TGFBR3: variants seen among roughly 807,000 people sequenced by gnomAD.
TGFBR3 encodes transforming growth factor beta receptor type 3.
In TGFBR3, 46 loss-of-function variants were observed where a neutral mutation model predicts 87.9. That is an observed-to-expected ratio of 0.52 (90% CI 0.41 to 0.67). The LOEUF (loss-of-function observed/expected upper bound fraction) is 0.67, where lower values mean the gene tolerates loss of function less well. TGFBR3 is among the 30% of genes least tolerant of loss of function. The pLI, the probability that TGFBR3 is intolerant of heterozygous loss-of-function variation, is 0.00. For synonymous variants in TGFBR3, 381 were observed against 391.6 expected, an observed-to-expected ratio of 0.97 and a Z score of 0.32; for missense variants, 866 against 1,041.9, an observed-to-expected ratio of 0.83 and a Z score of 2.32.
chr1:91,681,177 T>G lies in TGFBR3; in HGVS notation c.*2562A>C, dbSNP rs1163496540. On this transcript the variant is annotated 3_prime_UTR_variant, in exon 17 of 17. Coordinates refer to ENST00000212355, the MANE Select transcript of TGFBR3 (RefSeq NM_003243.5). ...CGTTATAAAAGTAGAGCTTGTACTT[T>G]GTATTAAAACTGTAAAGTGTGAAGC... 5 of 453,962 alleles carry G rather than the reference T, an allele frequency of 1.1e-5. No homozygotes were observed. The East Asian group carries it at 3.5e-4, about 32-fold the overall frequency. The allele number at this position is 453,962 out of a possible 1,614,324, so 28.1% of individuals were successfully genotyped here. A position where few individuals can be genotyped will look rare whatever the true frequency, so the allele number is the denominator to read the frequency against.
At chr1:91,849,067 T>C (rs1377866423) in intron 2 of TGFBR3, among the ~76,000 whole-genome samples, 2 of 152,306 alleles carry the variant, frequency 1.3e-5, no homozygotes, top group Non-Finnish European at 1.5e-5. Flanking sequence ...AAAAGCATCA[T>C]TCTGAATTTC....
In TGFBR3 at chr1:91,682,922, T is replaced by C. The variant is rs1346655181; in HGVS notation, c.*817A>G. 1 of 453,936 alleles carries C rather than the reference T, an allele frequency of 2.2e-6. No homozygotes were observed. Among genetic ancestry groups the C allele is most frequent in the Admixed American group, 2.3e-5 (1 of 42,568 alleles). 28.1% of individuals were successfully genotyped at this position (453,936 alleles called of 1,614,324 possible). A position where few individuals can be genotyped will look rare whatever the true frequency, so the allele number is the denominator to read the frequency against. ...ACTGAATTTCACCTCAAATTATACA[T>C]TAATTTGCAGAACAAAATATTAGGA... On this transcript the variant is annotated 3_prime_UTR_variant, in exon 17 of 17. Coordinates refer to ENST00000212355, the MANE Select transcript of TGFBR3 (RefSeq NM_003243.5).
At chr1:91,690,211 G>T (rs534826856) in intron 16 of TGFBR3, among the ~76,000 whole-genome samples, 110 of 152,128 alleles carry the variant, frequency 7.2e-4, no homozygotes, top group Non-Finnish European at 1.4e-3. Context: ...AGCAAGAGGG[G>T]TTGGCTGAAC....
chr1:91,832,386 T>C (rs1322146157), intron 2 of TGFBR3, among the ~76,000 whole-genome samples: 1 of 152,100 alleles, frequency 6.6e-6, no homozygotes, highest in Non-Finnish European at 1.5e-5. Flanking sequence ...CCCCATTATA[T>C]GACCCTCAAA....
At chr1:91,766,500 G>C (rs1674193369) in intron 3 of TGFBR3, 1 of 136,512 alleles carries the variant, frequency 7.3e-6, no homozygotes, top group Non-Finnish European at 1.6e-5. Flanking sequence ...AGAATCACTA[G>C]AGTGATCATT....
chr1:91,758,269 C>G (rs1488988731), intron 4 of TGFBR3, among the ~76,000 whole-genome samples: 1 of 152,062 alleles, frequency 6.6e-6, no homozygotes, highest in Non-Finnish European at 1.5e-5. Flanking sequence ...GGACCACACA[C>G]CCGGTAGCCA....
intron 3 of TGFBR3, among the ~76,000 whole-genome samples, chr1:91,775,772 G>A (rs1674546144): frequency 6.6e-6 from 1 of 152,224 alleles, no homozygotes; most frequent in Admixed American, 6.5e-5. Flanking sequence ...GCATCCCAGA[G>A]TTCACCTGAT....
intron 15 of TGFBR3, 55 bp downstream of exon 15, chr1:91,698,034 C>T (rs1671490374): frequency 4.5e-6 from 7 of 1,550,032 alleles, no homozygotes; most frequent in South Asian, 3.3e-5. Flanking sequence ...CTAACCAACT[C>T]ATTCTTAGGA....
intron 1 of TGFBR3, among the ~76,000 whole-genome samples, chr1:91,865,600 A>G (rs1454703649): frequency 6.6e-6 from 1 of 152,208 alleles, no homozygotes; most frequent in Non-Finnish European, 1.5e-5. Flanking sequence ...CTTAGTATTC[A>G]TCAATGAACA....
intron 1 of TGFBR3, among the ~76,000 whole-genome samples, chr1:91,884,319 CAAA>C (rs368144492): frequency 8.4e-6 from 1 of 119,196 alleles, no homozygotes. Flanking sequence ...ACTCTGTCAC[CAAA>C]AAAAAAAAAA....
intron 3 of TGFBR3, among the ~76,000 whole-genome samples, chr1:91,787,278 T>C (rs953453661): frequency 2.6e-5 from 4 of 151,706 alleles, no homozygotes; most frequent in African/African-American, 9.7e-5. Flanking sequence ...TCCAGCCTGG[T>C]GACAGAGCGA....
Position 91,683,686 on chromosome 1 carries a change from T to TAGCTGAGCTG in TGFBR3, c.*43_*52dup, listed in dbSNP as rs754058860. The TAGCTGAGCTG allele has an allele frequency of 1.4e-6, 2 of 1,442,690 alleles. No individual in the cohort carries two copies. The highest frequency in any genetic ancestry group is 2.5e-5 in the East Asian group (1 of 40,480). 89.4% of individuals were successfully genotyped at this position (1,442,690 alleles called of 1,614,324 possible). On this transcript the variant is annotated 3_prime_UTR_variant, in exon 17 of 17. Coordinates refer to ENST00000212355, the MANE Select transcript of TGFBR3 (RefSeq NM_003243.5). ...CAGCCATTGGTCCTGCCCTTGGCAG[T>TAGCTGAGCTG]AGCTGAGCTGAGCTGGGCTGGGCTG...
chr1:91,900,137 T>A (rs1375569573), intron 1 of TGFBR3, among the ~76,000 whole-genome samples: 1 of 152,206 alleles, frequency 6.6e-6, no homozygotes, highest in South Asian at 2.1e-4. Context: ...TATTTTGAGA[T>A]GGAGTCTCAC....
chr1:91,789,286 G>A (rs188369842), intron 3 of TGFBR3, among the ~76,000 whole-genome samples: 134 of 152,264 alleles, frequency 8.8e-4, no homozygotes, highest in Middle Eastern at 3.4e-3. Context: ...CAGCCTAGGC[G>A]ACAGAGTGAG....
At chr1:91,711,176 C>T (rs555506776) in intron 13 of TGFBR3, among the ~76,000 whole-genome samples, 18 of 152,308 alleles carry the variant, frequency 1.2e-4, no homozygotes, top group African/African-American at 4.3e-4. Context: ...GCCTACAAGG[C>T]TAAGGCATCA....
At chr1:91,752,723 TAA>T (rs60021429) in intron 4 of TGFBR3, among the ~76,000 whole-genome samples, 1 of 146,726 alleles carries the variant, frequency 6.8e-6, no homozygotes, top group Non-Finnish European at 1.5e-5. Flanking sequence ...AAAGCAAGAT[TAA>T]AAAAAAAAAA....
chr1:91,753,304 C>G (rs746357753), intron 4 of TGFBR3, among the ~76,000 whole-genome samples: 7 of 142,764 alleles, frequency 4.9e-5, no homozygotes, highest in Non-Finnish European at 9.0e-5. Context: ...GCAGGAGGAT[C>G]GCTTGAGCCC....
At chr1:91,701,096 G>T (rs753925809) in intron 14 of TGFBR3, among the ~76,000 whole-genome samples, 11 of 152,084 alleles carry the variant, frequency 7.2e-5, no homozygotes, top group Non-Finnish European at 1.3e-4. Context: ...AAGTTTTATA[G>T]TAAGGCCTGT....
At chr1:91,693,144 A>C (rs1162861113) in intron 16 of TGFBR3, among the ~76,000 whole-genome samples, 1 of 152,194 alleles carries the variant, frequency 6.6e-6, no homozygotes, top group Non-Finnish European at 1.5e-5. Flanking sequence ...GTGGTCCTGA[A>C]GTGAGTCTTC....
Sources: allele counts gnomAD v4.1 joint callset (sites outside exome capture counted in the v4.1 genomes callset), GRCh38; gene constraint gnomAD v4.1.1; transcripts MANE v1.5; gene names NCBI Gene and HGNC (gene_info 2026-07-23, HGNC 2026-07-21).